GLIS3: variants seen among roughly 807,000 people sequenced by gnomAD.
GLIS3 encodes zinc finger protein GLIS3.
GLIS3 carries 53 observed loss-of-function variants against 78.6 expected under a neutral mutation model. The observed-to-expected ratio is 0.67, with a 90% CI of 0.54 to 0.85. GLIS3 has a LOEUF of 0.85. GLIS3 is among the 40% of genes least tolerant of loss of function. The pLI, the probability that GLIS3 is intolerant of heterozygous loss-of-function variation, is 0.00. For synonymous variants in GLIS3, 684 were observed against 509.9 expected, an observed-to-expected ratio of 1.34 and a Z score of -4.60; for missense variants, 1,703 against 1,231.1, an observed-to-expected ratio of 1.38 and a Z score of -5.74.
chr9:3,925,597 G>A (rs911193750), intron 6 of GLIS3, among the ~76,000 whole-genome samples: 3 of 146,268 alleles, frequency 2.1e-5, no homozygotes, highest in Non-Finnish European at 4.7e-5. Context: ...GTGTGTGTGC[G>A]TGTGCGCGCG....
chr9:4,322,737 T>C (rs1817552873), intron 2 of GLIS3, among the ~76,000 whole-genome samples: 1 of 152,334 alleles, frequency 6.6e-6, no homozygotes, highest in East Asian at 1.9e-4. Context: ...TCTTATACTT[T>C]GCCCACTTTT....
At chr9:4,147,807 G>C (rs1416579555) in intron 2 of GLIS3, among the ~76,000 whole-genome samples, 1 of 78,920 alleles carries the variant, frequency 1.3e-5, no homozygotes, top group Non-Finnish European at 2.6e-5. Context: ...CACTTGCTGA[G>C]TTCATACCAA....
At chr9:4,169,765 A>G (rs936217319) in intron 2 of GLIS3, among the ~76,000 whole-genome samples, 1 of 152,228 alleles carries the variant, frequency 6.6e-6, no homozygotes, top group African/African-American at 2.4e-5. Context: ...GATGAAGCAA[A>G]TGTGGTAAAA....
At chr9:4,382,811 C>G in the GLIS3 span, among the ~76,000 whole-genome samples, 2 of 152,076 alleles carry the variant, frequency 1.3e-5, no homozygotes, top group East Asian at 3.8e-4. Flanking sequence ...GTACCTAATA[C>G]AGTTTAAGCA....
intron 2 of GLIS3, among the ~76,000 whole-genome samples, chr9:4,315,889 G>A (rs1288113973): frequency 1.3e-5 from 2 of 152,134 alleles, no homozygotes; most frequent in African/African-American, 4.8e-5. Context: ...AGGCCTCTTA[G>A]AGCAGATATC....
intron 4 of GLIS3, among the ~76,000 whole-genome samples, chr9:4,056,502 TG>T (rs1826165474): frequency 6.6e-6 from 1 of 152,088 alleles, no homozygotes; most frequent in African/African-American, 2.4e-5. Context: ...ACAAATGAAA[TG>T]AAATTCAACC....
intron 7 of GLIS3, among the ~76,000 whole-genome samples, chr9:3,886,416 A>G (rs149988506): frequency 6.6e-6 from 1 of 152,296 alleles, no homozygotes; most frequent in African/African-American, 2.4e-5. Flanking sequence ...TTAAAAGATA[A>G]CAAGTCATTT....
At chr9:4,031,319 A>C (rs1478459858) in intron 4 of GLIS3, among the ~76,000 whole-genome samples, 1 of 152,246 alleles carries the variant, frequency 6.6e-6, no homozygotes, top group Non-Finnish European at 1.5e-5. Context: ...AAAATGAATG[A>C]GGCACTGATA....
At chr9:4,235,038 C>A (rs1000811288) in intron 2 of GLIS3, among the ~76,000 whole-genome samples, 1 of 152,122 alleles carries the variant, frequency 6.6e-6, no homozygotes, top group Non-Finnish European at 1.5e-5. Context: ...GTGGCTCACG[C>A]CTGTAATCCC....
the GLIS3 span, among the ~76,000 whole-genome samples, chr9:4,372,290 CTTTA>C: frequency 6.6e-6 from 1 of 152,162 alleles, no homozygotes; most frequent in Non-Finnish European, 1.5e-5. Flanking sequence ...CTTTTAATAA[CTTTA>C]TTTTTTAACC....
intron 4 of GLIS3, among the ~76,000 whole-genome samples, chr9:4,063,616 C>T (rs530470373): frequency 9.7e-4 from 147 of 151,534 alleles, no homozygotes; most frequent in African/African-American, 3.4e-3. Flanking sequence ...AGAAGTACTG[C>T]ATATTTGCTA....
chr9:4,406,760 A>G, the GLIS3 span, among the ~76,000 whole-genome samples: 1 of 152,182 alleles, frequency 6.6e-6, no homozygotes, highest in East Asian at 1.9e-4. Context: ...GATCTCTTCA[A>G]TAAAAACTAT....
At chr9:4,488,192 C>T in the GLIS3 span, among the ~76,000 whole-genome samples, 2 of 151,986 alleles carry the variant, frequency 1.3e-5, no homozygotes, top group African/African-American at 4.8e-5. Context: ...TGGGCTTAAG[C>T]AGTCCTACCA....
chr9:4,113,709 G>C (rs904973862), intron 4 of GLIS3, among the ~76,000 whole-genome samples: 2 of 152,150 alleles, frequency 1.3e-5, no homozygotes, highest in Non-Finnish European at 2.9e-5. Context: ...AAGCTGGCTT[G>C]TGTACCCATA....
chr9:4,239,917 A>C (rs1823130476), intron 2 of GLIS3, among the ~76,000 whole-genome samples: 1 of 152,236 alleles, frequency 6.6e-6, no homozygotes, highest in Admixed American at 6.5e-5. Flanking sequence ...GGAATAAAGG[A>C]TAACAGCCCC....
rs1413845499 is a variant in GLIS3 at position 3,965,458 on chromosome 9, C to T, written c.1711-28269G>A. Reference sequence around the variant, plus strand: ...ATCTGCCCGCCTCAGCCTCCCAAAGCGCTGGGATTACAGGCGTGAGCCACC... The same window carrying T: ...ATCTGCCCGCCTCAGCCTCCCAAAGTGCTGGGATTACAGGCGTGAGCCACC... On this transcript the variant is annotated intron_variant, in intron 4 of 10. Coordinates refer to ENST00000381971, the MANE Select transcript of GLIS3 (RefSeq NM_001042413.2). 3.9e-5 allele frequency among the ~76,000 whole-genome samples: 6 copies of T among 152,070 alleles called. No homozygotes were observed. The East Asian group carries it at 5.8e-4, about 15-fold the overall frequency.
At chr9:4,462,982 C>T in the GLIS3 span, among the ~76,000 whole-genome samples, 7 of 152,168 alleles carry the variant, frequency 4.6e-5, no homozygotes, top group Admixed American at 3.3e-4. Flanking sequence ...TAACCATTCT[C>T]TGGGGGAAAT....
At chr9:3,887,246 G>C (rs544674870) in intron 7 of GLIS3, among the ~76,000 whole-genome samples, 3 of 152,028 alleles carry the variant, frequency 2.0e-5, no homozygotes, top group African/African-American at 4.8e-5. Flanking sequence ...GACACCACCC[G>C]TACATCCTTG....
At chr9:4,434,072 G>C in the GLIS3 span, among the ~76,000 whole-genome samples, 5 of 144,532 alleles carry the variant, frequency 3.5e-5, no homozygotes, top group African/African-American at 1.3e-4. Context: ...CTCCAGCCTG[G>C]TGACAGAGTG....
Sources: allele counts gnomAD v4.1 joint callset (sites outside exome capture counted in the v4.1 genomes callset), GRCh38; gene constraint gnomAD v4.1.1; transcripts MANE v1.5; gene names NCBI Gene and HGNC (gene_info 2026-07-23, HGNC 2026-07-21).